Variants in ELP4 observed in about 807,000 individuals in gnomAD.
ELP4 encodes the protein elongator complex protein 4.
A neutral mutation model predicts 48.9 loss-of-function variants in ELP4; 51 were observed. The ratio of observed to expected loss-of-function variants is 1.04; its 90% CI spans 0.83 to 1.32. The LOEUF (loss-of-function observed/expected upper bound fraction) is 1.32, where lower values mean the gene tolerates loss of function less well. ELP4 is among the 40% of genes most tolerant of loss of function. The probability of loss-of-function intolerance (pLI) is 0.00; values close to 1 mark genes in which losing one functional copy is unlikely to be tolerated. For synonymous variants in ELP4, 210 were observed against 189.2 expected (o/e 1.11, Z -0.90); for missense variants, 519 against 514.6 (o/e 1.01, Z -0.08).
At chr11:31,534,776 A>G (rs1222937514) in intron 2 of ELP4, among the ~76,000 whole-genome samples, 3 of 152,246 alleles carry the variant, frequency 2.0e-5, no homozygotes, top group Non-Finnish European at 2.9e-5. Context: ...TTTGTTTCTT[A>G]TATCGATTTA....
At chr11:31,734,588 TAAGA>T (rs1307859277) in intron 9 of ELP4, among the ~76,000 whole-genome samples, 2 of 152,046 alleles carry the variant, frequency 1.3e-5, no homozygotes, top group Non-Finnish European at 2.9e-5. Context: ...AAAGGAAAAT[TAAGA>T]AAGAAAACAA....
intron 5 of ELP4, among the ~76,000 whole-genome samples, chr11:31,608,710 G>A (rs1298988046): frequency 2.6e-5 from 4 of 152,200 alleles, no homozygotes; most frequent in African/African-American, 9.6e-5. Context: ...TACGATGGGA[G>A]TGGGGCAGTG....
chr11:31,748,138 A>T (rs1040770603), intron 9 of ELP4, among the ~76,000 whole-genome samples: 2 of 152,180 alleles, frequency 1.3e-5, no homozygotes, highest in African/African-American at 2.4e-5. Context: ...TTTTTCTGCA[A>T]TGGGCAGATT....
intron 3 of ELP4, among the ~76,000 whole-genome samples, chr11:31,548,979 A>C (rs1956786989): frequency 6.6e-6 from 1 of 152,160 alleles, no homozygotes; most frequent in Non-Finnish European, 1.5e-5. Flanking sequence ...TTATACAAAA[A>C]TCAATTCAAG....
chr11:31,524,263 A>C (rs1956260506), intron 2 of ELP4, among the ~76,000 whole-genome samples: 1 of 152,200 alleles, frequency 6.6e-6, no homozygotes, highest in South Asian at 2.1e-4. Flanking sequence ...GCAAGCCTAC[A>C]ATATAGGTGT....
chr11:31,594,798 A>G lies in ELP4; in HGVS notation c.410A>G (p.Lys137Arg). 2 of 1,528,354 alleles carry G rather than the reference A, an allele frequency of 1.3e-6. No homozygotes were observed. Among genetic ancestry groups the G allele is most frequent in the Non-Finnish European group, 8.7e-7 (1 of 1,146,004 alleles). The allele number at this position is 1,528,354 out of a possible 1,614,324, so 94.7% of individuals were successfully genotyped here. The change falls in exon 4 of 10, where the codon AAA becomes AGA. Residue 137 changes from lysine to arginine, a missense_variant. By Grantham distance (26) the Lys-to-Arg change is conservative. Transcript: ENST00000640961. Reference protein sequence around the residue: ...QELPAPLLDDKCKKEFDEDVY... With the variant: ...QELPAPLLDDRCKKEFDEDVY... Reference sequence around the variant, plus strand: ...CTTCCAGCACCATTACTTGATGATAAATGTAAAAAGGAATTTGATGAAGAT... The same window carrying G: ...CTTCCAGCACCATTACTTGATGATAGATGTAAAAAGGAATTTGATGAAGAT...
chr11:31,650,289 A>G (rs966763310), intron 9 of ELP4, 68 bp downstream of exon 9: 4 of 530,018 alleles, frequency 7.5e-6, no homozygotes, highest in African/African-American at 4.0e-5. Context: ...TTTTTACTTT[A>G]TTTTATTTTC....
intron 6 of ELP4, among the ~76,000 whole-genome samples, chr11:31,628,856 AG>A (rs1416505825): frequency 6.6e-6 from 1 of 152,162 alleles, no homozygotes; most frequent in Non-Finnish European, 1.5e-5. Flanking sequence ...CAGAAACTTC[AG>A]ATGAGTTCTA....
At chr11:31,632,062 T>C (rs1944871898) in intron 6 of ELP4, among the ~76,000 whole-genome samples, 155 bp from the exon 7 acceptor site, 1 of 152,132 alleles carries the variant, frequency 6.6e-6, no homozygotes, top group Non-Finnish European at 1.5e-5. Context: ...CAGTTTCATT[T>C]ATACTGCTTT....
chr11:31,510,091 C>G (rs571261749), intron 1 of ELP4, 84 bp downstream of exon 1: 17 of 1,261,688 alleles, frequency 1.3e-5, no homozygotes, highest in Non-Finnish European at 2.2e-6. Context: ...GACCCCACAT[C>G]TCTTTCTGAC....
At chr11:31,736,392 A>G (rs1947318091) in intron 9 of ELP4, among the ~76,000 whole-genome samples, 2 of 152,200 alleles carry the variant, frequency 1.3e-5, no homozygotes, top group African/African-American at 4.8e-5. Flanking sequence ...AACCTAGGTA[A>G]TACCATTCAG....
Position 31,789,488 on chromosome 11 carries a change from A to G in ELP4, c.*5964A>G. On this transcript the variant is annotated 3_prime_UTR_variant, in exon 10 of 10. Coordinates refer to ENST00000640961, the MANE Select transcript of ELP4 (RefSeq NM_019040.5). ...ATACAAACTTGGAACATCAGTCCAT[A>G]AACTATGAACAGATGGGTAGAAGTA... is the stretch of plus-strand genomic sequence containing the variant. 1.8e-6 allele frequency: 1 copy of G among 544,506 alleles called. No individual in the cohort carries two copies. Among genetic ancestry groups the G allele is most frequent in the Non-Finnish European group, 3.2e-6 (1 of 310,900 alleles). 33.7% of individuals were successfully genotyped at this position (544,506 alleles called of 1,614,324 possible).
chr11:31,543,152 T>A (rs1956620254), intron 3 of ELP4, among the ~76,000 whole-genome samples: 1 of 152,154 alleles, frequency 6.6e-6, no homozygotes, highest in South Asian at 2.1e-4. Context: ...AGCTGTAAGA[T>A]AACTTAAGGG....
At chr11:31,545,996 G>C (rs577641010) in intron 3 of ELP4, among the ~76,000 whole-genome samples, 12 of 152,022 alleles carry the variant, frequency 7.9e-5, no homozygotes, top group Non-Finnish European at 1.6e-4. Flanking sequence ...ACTAAACATG[G>C]AAAGGAACAA....
intron 3 of ELP4, among the ~76,000 whole-genome samples, chr11:31,574,124 G>A (rs184930981): frequency 1.3e-5 from 2 of 152,278 alleles, no homozygotes; most frequent in East Asian, 3.9e-4. Flanking sequence ...TTGAAAAGTT[G>A]AGACTTCTAA....
chr11:31,648,032 A>G, intron 8 of ELP4, 183 bp downstream of exon 8: 2 of 457,222 alleles, frequency 4.4e-6, no homozygotes, highest in East Asian at 7.4e-5. Flanking sequence ...TTAAGACTAT[A>G]GACTATAATA....
chr11:31,772,933 C>T (rs1948178256), intron 9 of ELP4, among the ~76,000 whole-genome samples: 1 of 152,214 alleles, frequency 6.6e-6, no homozygotes, highest in Non-Finnish European at 1.5e-5. Context: ...CAGTTTGTAG[C>T]ACCCACTTCT....
At chr11:31,707,213 A>C in intron 9 of ELP4, 1 of 383,770 alleles carries the variant, frequency 2.6e-6, no homozygotes, top group East Asian at 3.7e-5. Context: ...GTAATACGTA[A>C]TATTTAATAC....
chr11:31,592,600 G>A (rs1957601423), intron 3 of ELP4, among the ~76,000 whole-genome samples: 1 of 150,170 alleles, frequency 6.7e-6, no homozygotes, highest in South Asian at 2.1e-4. Context: ...GTATATATAA[G>A]AAACCTTATA....
Sources: allele counts gnomAD v4.1 joint callset (sites outside exome capture counted in the v4.1 genomes callset), GRCh38; gene constraint gnomAD v4.1.1; transcripts MANE v1.5; gene names NCBI Gene and HGNC (gene_info 2026-07-23, HGNC 2026-07-21).